Variants in SENP6 observed in about 807,000 individuals in gnomAD.
SENP6 encodes sentrin-specific protease 6.
Under a neutral mutation model 134.5 loss-of-function variants are expected in SENP6, and 41 were observed. The observed-to-expected ratio is 0.30, with a 90% CI of 0.24 to 0.40. The LOEUF is 0.40. Among genes scored for constraint, SENP6 ranks in the 10% least tolerant of loss-of-function variants. SENP6 has a pLI of 1.00. For synonymous variants in SENP6, 395 were observed against 429.8 expected (o/e 0.92, Z 1.00); for missense variants, 1,248 against 1,312.5 (o/e 0.95, Z 0.76).
At chr6:75,687,538 A>G (rs967881735) in intron 16 of SENP6, among the ~76,000 whole-genome samples, 8 of 152,190 alleles carry the variant, frequency 5.3e-5, no homozygotes, top group African/African-American at 9.7e-5. Flanking sequence ...TTGTGGTTTT[A>G]TCTACCTTTG....
intron 19 of SENP6, 89 bp from the exon 20 acceptor site, chr6:75,709,435 CATT>C (rs1019012126): frequency 1.7e-5 from 13 of 773,806 alleles, no homozygotes; most frequent in Non-Finnish European, 2.8e-5. Context: ...ACTACTGTAT[CATT>C]AATTAACTAC....
At chr6:75,618,922 C>G (rs1768053277) in intron 1 of SENP6, among the ~76,000 whole-genome samples, 1 of 150,092 alleles carries the variant, frequency 6.7e-6, no homozygotes, top group African/African-American at 2.4e-5. Flanking sequence ...TCCTCCTGTT[C>G]ATGATATTTC....
rs141507270 is a variant in SENP6, at chr6:75,641,350, A to T, written c.479+646A>T. ...AATTGCTTTCAGTTACATCATCAAAATCTTTATCATTATATTTTAGTGATA... is the reference window on the plus strand; with the variant it reads ...AATTGCTTTCAGTTACATCATCAAATTCTTTATCATTATATTTTAGTGATA... On this transcript the variant is annotated intron_variant, in intron 6 of 23. Transcript: ENST00000447266. 4.6e-5 allele frequency among the ~76,000 whole-genome samples: 7 copies of T among 152,268 alleles called. No individual in the cohort carries two copies. The East Asian group carries it at 1.3e-3, about 29-fold the overall frequency.
chr6:75,704,797 C>T (rs925998737), intron 19 of SENP6, among the ~76,000 whole-genome samples: 2 of 152,126 alleles, frequency 1.3e-5, no homozygotes, highest in Non-Finnish European at 2.9e-5. Context: ...CGCATTGTGC[C>T]CCTGGTTTAT....
At chr6:75,707,579 A>G (rs552113969) in intron 19 of SENP6, among the ~76,000 whole-genome samples, 7 of 151,892 alleles carry the variant, frequency 4.6e-5, no homozygotes, top group Admixed American at 4.6e-4. Context: ...GCTGGTCTCA[A>G]ACTTCTGTGT....
intron 9 of SENP6, among the ~76,000 whole-genome samples, chr6:75,665,955 A>T (rs575109238): frequency 6.6e-6 from 1 of 151,600 alleles, no homozygotes; most frequent in Non-Finnish European, 1.5e-5. Context: ...TGAACCCAGG[A>T]GGCGGAGTTG....
At chr6:75,633,843 C>A in intron 4 of SENP6, 117 bp downstream of exon 4, 1 of 737,090 alleles carries the variant, frequency 1.4e-6, no homozygotes, top group Non-Finnish European at 2.1e-6. Context: ...TCTATAGGGC[C>A]AAGAGGTAGC....
At chr6:75,623,571 A>G (rs1035881005) in intron 2 of SENP6, among the ~76,000 whole-genome samples, 1 of 152,212 alleles carries the variant, frequency 6.6e-6, no homozygotes, top group Non-Finnish European at 1.5e-5. Context: ...ATGAGAATAT[A>G]TAAAATCCAT....
intron 3 of SENP6, among the ~76,000 whole-genome samples, chr6:75,632,941 A>G (rs1393218925): frequency 6.6e-6 from 1 of 152,160 alleles, no homozygotes; most frequent in Non-Finnish European, 1.5e-5. Context: ...AATAATTTAT[A>G]TGTTGTATTT....
intron 7 of SENP6, among the ~76,000 whole-genome samples, chr6:75,648,932 A>G (rs1404337756): frequency 6.6e-6 from 1 of 152,204 alleles, no homozygotes; most frequent in African/African-American, 2.4e-5. Flanking sequence ...AACACTGTAC[A>G]TTACTATATT....
At chr6:75,707,096 GTTAT>G (rs1224229014) in intron 19 of SENP6, among the ~76,000 whole-genome samples, 4 of 152,062 alleles carry the variant, frequency 2.6e-5, no homozygotes, top group African/African-American at 9.7e-5. Flanking sequence ...CATCATTTAG[GTTAT>G]TTTTCTCCTG....
chr6:75,636,379 A>G (rs1290621621), intron 5 of SENP6, among the ~76,000 whole-genome samples: 1 of 152,168 alleles, frequency 6.6e-6, no homozygotes, highest in Admixed American at 6.5e-5. Context: ...CAACTGCAGC[A>G]TGACTGTCAC....
intron 3 of SENP6, 40 bp downstream of exon 3, chr6:75,624,000 T>A (rs779633491): frequency 1.3e-6 from 2 of 1,489,506 alleles, no homozygotes; most frequent in East Asian, 4.6e-5. Context: ...TTACATTATA[T>A]ACAAAAAAAT....
intron 2 of SENP6, 55 bp downstream of exon 2, chr6:75,621,680 A>G: frequency 9.6e-7 from 1 of 1,041,134 alleles, no homozygotes; most frequent in East Asian, 2.4e-5. Flanking sequence ...TCTCATTAGA[A>G]AAACAATTTC....
intron 16 of SENP6, among the ~76,000 whole-genome samples, chr6:75,683,073 T>C (rs1171277480): frequency 6.6e-6 from 1 of 152,228 alleles, no homozygotes; most frequent in Non-Finnish European, 1.5e-5. Flanking sequence ...ATCTGTTGTT[T>C]CCTGACTTTT....
At chr6:75,670,532 A>G (rs770901366) in intron 10 of SENP6, 21 bp from the exon 11 acceptor site, 28 of 1,567,524 alleles carry the variant, frequency 1.8e-5, no homozygotes, top group Non-Finnish European at 2.4e-5. Context: ...TATTAAGTGA[A>G]CATTTTCTTT....
At chr6:75,700,994 G>A (rs538332132) in intron 18 of SENP6, among the ~76,000 whole-genome samples, 34 of 152,130 alleles carry the variant, frequency 2.2e-4, no homozygotes, top group Non-Finnish European at 4.6e-4. Context: ...TCTGGACTTC[G>A]CAATACAGAA....
intron 3 of SENP6, among the ~76,000 whole-genome samples, chr6:75,626,540 G>A (rs1210333593): frequency 6.6e-6 from 1 of 152,072 alleles, no homozygotes; most frequent in African/African-American, 2.4e-5. Context: ...TGTCCCTACT[G>A]ATGAATAGAG....
Position 75,663,501 on chromosome 6 carries a change from C to A in SENP6, c.977C>A (p.Ser326Ter). ...TNLKERKTSL[S>*]DLNDPIILSS... ...TTGAAAGAAAGGAAAACAAGTTTGT[C>A]AGACCTAAATGATCCAAGTAAGTAT... Residue 326 changes from serine (S) to a stop codon, truncating the protein, a stop_gained, in exon 9 of 24, where the codon TCA (serine) becomes TAA (stop). Coordinates refer to ENST00000447266, the MANE Select transcript of SENP6 (RefSeq NM_015571.4). LOFTEE classifies it high-confidence loss of function. 1 of 1,610,196 alleles carries A rather than the reference C, an allele frequency of 6.2e-7. No individual in the cohort carries two copies. Among genetic ancestry groups the A allele is most frequent in the South Asian group, 1.1e-5 (1 of 90,744 alleles).
Sources: allele counts gnomAD v4.1 joint callset (sites outside exome capture counted in the v4.1 genomes callset), GRCh38; gene constraint gnomAD v4.1.1; transcripts MANE v1.5; gene names NCBI Gene and HGNC (gene_info 2026-07-23, HGNC 2026-07-21).